Variants in ACSS2 observed in about 807,000 individuals in gnomAD.
The protein encoded by ACSS2 is acetyl-coenzyme A synthetase, cytoplasmic.
In ACSS2, 58 loss-of-function variants were observed where a neutral mutation model predicts 90.6. The ratio of observed to expected loss-of-function variants is 0.64; its 90% CI spans 0.52 to 0.80. The LOEUF is 0.80. Ranked by LOEUF, ACSS2 falls within the 30% of genes least tolerant of loss-of-function variation. The pLI, the probability that ACSS2 is intolerant of heterozygous loss-of-function variation, is 0.00. For missense variants in ACSS2, 759 were observed against 912.0 expected (o/e 0.83, Z 2.16); for synonymous variants, 300 against 330.9 (o/e 0.91, Z 1.01).
At chr20:34,914,509 T>C (rs2081037978) in intron 7 of ACSS2, 72 bp downstream of exon 7, 1 of 1,316,620 alleles carries the variant, frequency 7.6e-7, no homozygotes, top group Non-Finnish European at 1.0e-6. Context: ...AAATTCTTGA[T>C]GTCCTTCTTT....
At chr20:34,918,046 C>G (rs117344844) in intron 7 of ACSS2, among the ~76,000 whole-genome samples, 2,710 of 152,224 alleles carry the variant, frequency 0.018, 40 homozygotes, top group Middle Eastern at 0.031. Flanking sequence ...CGTGAGCCAC[C>G]GCGCCCAGCC....
At chr20:34,887,436 A>G (rs1222458836) in intron 2 of ACSS2, among the ~76,000 whole-genome samples, 1 of 152,254 alleles carries the variant, frequency 6.6e-6, no homozygotes, top group Non-Finnish European at 1.5e-5. Flanking sequence ...TTTACATTCT[A>G]TTTGGAAAGA....
At chr20:34,904,905 CTTTTTTTTTTT>C (rs10542624) in intron 2 of ACSS2, among the ~76,000 whole-genome samples, 3 of 94,608 alleles carry the variant, frequency 3.2e-5, no homozygotes, top group East Asian at 5.4e-4. Flanking sequence ...GTGTTTAAAC[CTTTTTTTTTTT>C]TTTTTTTTTT....
intron 2 of ACSS2, among the ~76,000 whole-genome samples, chr20:34,902,579 T>C (rs1443581536): frequency 1.3e-5 from 2 of 152,204 alleles, no homozygotes; most frequent in East Asian, 3.9e-4. Flanking sequence ...AATAGGAGAA[T>C]GGCACAAGAT....
intron 2 of ACSS2, among the ~76,000 whole-genome samples, chr20:34,902,419 T>C (rs1450764787): frequency 1.3e-5 from 2 of 152,188 alleles, no homozygotes; most frequent in Non-Finnish European, 2.9e-5. Flanking sequence ...CAAGAAGAGC[T>C]GATCTACTTA....
chr20:34,880,035 C>T (rs1340382322), intron 1 of ACSS2, among the ~76,000 whole-genome samples: 1 of 152,114 alleles, frequency 6.6e-6, no homozygotes, highest in African/African-American at 2.4e-5. Context: ...TACTAGCTCT[C>T]ATTTGCTTTC....
At chr20:34,926,353 G>T in intron 16 of ACSS2, 72 bp downstream of exon 16, 5 of 1,529,994 alleles carry the variant, frequency 3.3e-6, no homozygotes, top group Non-Finnish European at 4.4e-6. Context: ...AGTTGTTGGG[G>T]AGGGGCTAGA....
rs1424206893 is a variant in ACSS2 at position 34,920,620 on chromosome 20, G to A, written c.1054G>A (p.Val352Met). Residue 352 changes from valine to methionine, a missense_variant, in exon 9 of 18, where the codon GTG (valine) becomes ATG (methionine). Val to Met is a conservative substitution (Grantham distance 21). Coordinates refer to ENST00000360596, the MANE Select transcript of ACSS2 (RefSeq NM_018677.4). The part of the protein sequence containing the change: ...KYVFDFHAED[V>M]FWCTADIGWI... ...TGTGTTTGACTTCCATGCAGAGGAT[G>A]TGTTCTGGTGCACGGCAGACATTGG... 1 of 1,614,226 alleles carries A rather than the reference G, an allele frequency of 6.2e-7. No individual in the cohort carries two copies. The highest frequency in any genetic ancestry group is 1.1e-5 in the South Asian group (1 of 91,086).
At chr20:34,884,946 T>A (rs2080154114) in intron 2 of ACSS2, among the ~76,000 whole-genome samples, 1 of 152,084 alleles carries the variant, frequency 6.6e-6, no homozygotes, top group Non-Finnish European at 1.5e-5. Context: ...ATGCCTGTAA[T>A]CCCAGCACTT....
intron 2 of ACSS2, among the ~76,000 whole-genome samples, chr20:34,891,453 TG>T (rs1451156987): frequency 6.6e-6 from 1 of 152,178 alleles, no homozygotes; most frequent in Non-Finnish European, 1.5e-5. Context: ...TCTGTTGAGA[TG>T]GTAAGAAAGA....
chr20:34,892,759 G>C (rs2080365015), intron 2 of ACSS2, among the ~76,000 whole-genome samples: 1 of 152,208 alleles, frequency 6.6e-6, no homozygotes, highest in Non-Finnish European at 1.5e-5. Context: ...TCTGGTTGGA[G>C]CATGGATGGG....
intron 14 of ACSS2, 55 bp downstream of exon 14, chr20:34,923,486 T>G (rs2081247098): frequency 7.7e-7 from 1 of 1,291,256 alleles, no homozygotes; most frequent in Admixed American, 1.8e-5. Context: ...TACCTTCCAC[T>G]TCCATTTTCA....
chr20:34,911,904 T>C (rs2080968787), intron 2 of ACSS2, among the ~76,000 whole-genome samples: 1 of 151,968 alleles, frequency 6.6e-6, no homozygotes. Flanking sequence ...CACCACAACC[T>C]CCACCTCCCT....
At chr20:34,881,017 A>T (rs868446206) in intron 1 of ACSS2, among the ~76,000 whole-genome samples, 75 of 75,550 alleles carry the variant, frequency 9.9e-4, no homozygotes, top group Middle Eastern at 0.019. Context: ...TTTCCTCCAA[A>T]TTTTTTTTTT....
At chr20:34,899,813 A>C (rs1012792257) in intron 2 of ACSS2, among the ~76,000 whole-genome samples, 2 of 151,874 alleles carry the variant, frequency 1.3e-5, no homozygotes, top group African/African-American at 4.8e-5. Flanking sequence ...TCATTCCTCA[A>C]TTGGTGGACA....
chr20:34,877,878 C>T (rs993931816), intron 1 of ACSS2, among the ~76,000 whole-genome samples: 3 of 135,248 alleles, frequency 2.2e-5, no homozygotes, highest in Non-Finnish European at 3.2e-5. Flanking sequence ...CTACCCTTGC[C>T]CTCAGTCTGG....
chr20:34,894,569 G>A (rs146890660), intron 2 of ACSS2, among the ~76,000 whole-genome samples: 9,007 of 152,170 alleles, frequency 0.059, 307 homozygotes, highest in East Asian at 0.079. Context: ...GGAGGCTGAG[G>A]TGGGAGGATT....
At chr20:34,890,701 G>T (rs1601300706) in intron 2 of ACSS2, among the ~76,000 whole-genome samples, 1 of 152,190 alleles carries the variant, frequency 6.6e-6, no homozygotes, top group East Asian at 1.9e-4. Context: ...TAAGGCTGTG[G>T]TTATCTCTGA....
chr20:34,893,736 C>T (rs2080394403), intron 2 of ACSS2: 1 of 151,916 alleles, frequency 6.6e-6, no homozygotes, highest in Non-Finnish European at 1.5e-5. Context: ...TGCAAAATCT[C>T]AGATATAGGA....
Sources: allele counts gnomAD v4.1 joint callset (sites outside exome capture counted in the v4.1 genomes callset), GRCh38; gene constraint gnomAD v4.1.1; transcripts MANE v1.5; gene names NCBI Gene and HGNC (gene_info 2026-07-23, HGNC 2026-07-21).